PARD3B: variants seen among roughly 807,000 people sequenced by gnomAD.
PARD3B encodes par-3 family cell polarity regulator beta.
PARD3B carries 103 observed loss-of-function variants against 130.2 expected under a neutral mutation model. The ratio of observed to expected loss-of-function variants is 0.79; its 90% CI spans 0.67 to 0.93. The LOEUF is 0.93. PARD3B is among the 40% of genes least tolerant of loss of function. The pLI is 0.00. For synonymous variants in PARD3B, 583 were observed against 553.2 expected (o/e 1.05, Z -0.76); for missense variants, 1,609 against 1,499.2 (o/e 1.07, Z -1.21).
rs556952138 is a variant in PARD3B, at chr2:205,526,276, C to T, written c.3180+26245C>T. ...GATTGTGGATGTGCACTTCTACCCACTGTAAGCAGCTATCACAGGTCTGGC... is the reference window on the plus strand; with the variant it reads ...GATTGTGGATGTGCACTTCTACCCATTGTAAGCAGCTATCACAGGTCTGGC... On this transcript the variant is annotated intron_variant, in intron 21 of 22. Coordinates refer to ENST00000406610, the MANE Select transcript of PARD3B (RefSeq NM_001302769.2). Among the ~76,000 whole-genome samples the T allele has an allele frequency of 3.8e-4, 58 of 152,302 alleles. No homozygotes were observed. In the South Asian group the frequency reaches 0.012, roughly 31 times the overall value.
chr2:204,650,554 A>C (rs1490781691), intron 1 of PARD3B, among the ~76,000 whole-genome samples: 2 of 152,222 alleles, frequency 1.3e-5, no homozygotes, highest in Non-Finnish European at 2.9e-5. Context: ...ACATCATGGA[A>C]TATTATGCAG....
At chr2:204,735,622 A>G (rs2039712137) in intron 2 of PARD3B, among the ~76,000 whole-genome samples, 1 of 152,178 alleles carries the variant, frequency 6.6e-6, no homozygotes. Flanking sequence ...ATGCAGCTTG[A>G]TTGGATTCTT....
chr2:205,032,270 G>A (rs1697481618), intron 3 of PARD3B, among the ~76,000 whole-genome samples: 1 of 152,010 alleles, frequency 6.6e-6, no homozygotes, highest in African/African-American at 2.4e-5. Flanking sequence ...CTATCTAGTA[G>A]CAAGACAGCA....
chr2:204,972,841 G>C (rs1691825100), intron 3 of PARD3B, among the ~76,000 whole-genome samples: 1 of 152,126 alleles, frequency 6.6e-6, no homozygotes, highest in Non-Finnish European at 1.5e-5. Flanking sequence ...CCATTCACTT[G>C]ATATTAGACC....
chr2:205,168,893 C>T (rs888453094), intron 11 of PARD3B, among the ~76,000 whole-genome samples: 4 of 152,088 alleles, frequency 2.6e-5, no homozygotes, highest in East Asian at 1.9e-4. Context: ...TGAATAGGGA[C>T]GCTGTGGAAT....
chr2:205,306,743 T>C (rs551400238), intron 18 of PARD3B, among the ~76,000 whole-genome samples: 4 of 152,326 alleles, frequency 2.6e-5, no homozygotes, highest in African/African-American at 9.6e-5. Flanking sequence ...AGCAACTGTT[T>C]TCCATAGCCT....
intron 2 of PARD3B, among the ~76,000 whole-genome samples, chr2:204,882,496 T>C (rs1363093946): frequency 6.6e-6 from 1 of 152,210 alleles, no homozygotes; most frequent in Non-Finnish European, 1.5e-5. Flanking sequence ...AAGCTTTATT[T>C]GTATATTGCC....
At chr2:204,665,937 T>C (rs995143624) in intron 1 of PARD3B, among the ~76,000 whole-genome samples, 1 of 152,206 alleles carries the variant, frequency 6.6e-6, no homozygotes, top group Admixed American at 6.5e-5. Context: ...TCAGTAACTA[T>C]TTATGGAATG....
chr2:204,622,043 T>C (rs1172535794), intron 1 of PARD3B, among the ~76,000 whole-genome samples: 1 of 152,218 alleles, frequency 6.6e-6, no homozygotes, highest in Non-Finnish European at 1.5e-5. Flanking sequence ...GAGTACACTA[T>C]GGCTTCACAT....
chr2:204,674,995 C>G (rs1203032942), intron 1 of PARD3B, among the ~76,000 whole-genome samples: 3 of 152,040 alleles, frequency 2.0e-5, no homozygotes, highest in Non-Finnish European at 4.4e-5. Flanking sequence ...AAGAATTATT[C>G]TAAAAATTAA....
At chr2:205,520,328 C>G (rs1385768697) in intron 21 of PARD3B, among the ~76,000 whole-genome samples, 1 of 152,066 alleles carries the variant, frequency 6.6e-6, no homozygotes, top group African/African-American at 2.4e-5. Context: ...CTGTCCTCCT[C>G]TCCTTGGGTC....
In PARD3B at chr2:205,562,972, TTATTA is replaced by T. The variant is rs2053192148; in HGVS notation, c.3260+9572_3260+9576del. ...TTATGAATAAATGAAGTGTATTAAT[TTATTA>T]TAACATCTGATTTGTATGTTTGTGA... On this transcript the variant is annotated intron_variant, in intron 22 of 22. Coordinates refer to ENST00000406610, the MANE Select transcript of PARD3B (RefSeq NM_001302769.2). The surrounding 1 kb of genome is among the most constrained non-coding windows in gnomAD (Gnocchi z 5.4). 6.6e-6 allele frequency among the ~76,000 whole-genome samples: 1 copy of T among 152,204 alleles called. No homozygotes were observed. The highest frequency in any genetic ancestry group is 1.5e-5 in the Non-Finnish European group (1 of 68,042).
intron 3 of PARD3B, among the ~76,000 whole-genome samples, chr2:204,968,045 C>A (rs2125860882): frequency 6.6e-6 from 1 of 152,258 alleles, no homozygotes; most frequent in Middle Eastern, 3.4e-3. Context: ...GCCATTGGAA[C>A]TGGTTGTACT....
intron 20 of PARD3B, among the ~76,000 whole-genome samples, chr2:205,476,497 T>C (rs149881563): frequency 6.6e-6 from 1 of 152,290 alleles, no homozygotes; most frequent in African/African-American, 2.4e-5. Context: ...TGAATGTGGA[T>C]TGGAAAGTTC....
At chr2:205,037,704 C>T (rs1698106401) in intron 3 of PARD3B, among the ~76,000 whole-genome samples, 1 of 150,980 alleles carries the variant, frequency 6.6e-6, no homozygotes. Flanking sequence ...ATATCTCTGA[C>T]TCAGTTTCCC....
chr2:204,591,432 T>G (rs1281313866), intron 1 of PARD3B, among the ~76,000 whole-genome samples: 2 of 152,226 alleles, frequency 1.3e-5, no homozygotes, highest in Non-Finnish European at 2.9e-5. Context: ...TCCAGATGGC[T>G]GCATGCCTGA....
intron 2 of PARD3B, among the ~76,000 whole-genome samples, chr2:204,941,514 C>T (rs1457968097): frequency 6.6e-6 from 1 of 152,172 alleles, no homozygotes; most frequent in Non-Finnish European, 1.5e-5. Context: ...TCTTAGACTT[C>T]CTAGCAGGAT....
At chr2:205,173,213 A>T (rs1456289550) in intron 12 of PARD3B, among the ~76,000 whole-genome samples, 2 of 152,212 alleles carry the variant, frequency 1.3e-5, no homozygotes, top group African/African-American at 4.8e-5. Context: ...AAAACTATTT[A>T]AAAAGCTAAT....
chr2:205,451,149 G>A (rs1168144803), intron 20 of PARD3B, among the ~76,000 whole-genome samples: 1 of 152,130 alleles, frequency 6.6e-6, no homozygotes, highest in African/African-American at 2.4e-5. Context: ...GCCTTTCCCA[G>A]TGGCAAAGCC....
Sources: gnomAD v4.1 joint callset for allele counts (sites outside exome capture counted in the v4.1 genomes callset) on GRCh38, gnomAD v4.1.1 for gene constraint, Gnocchi (gnomAD v3.1) non-coding constraint, MANE v1.5 for transcripts, NCBI Gene and HGNC (gene_info 2026-07-23, HGNC 2026-07-21) for gene names.